Variants in ASS1 observed in about 807,000 individuals in gnomAD.
ASS1 encodes the protein argininosuccinate synthase 1, also known as argininosuccinate synthase.
ASS1 carries 58 observed loss-of-function variants against 60.5 expected under a neutral mutation model. The ratio of observed to expected loss-of-function variants is 0.96; its 90% CI spans 0.78 to 1.19. The LOEUF is 1.19. Among genes scored for constraint, ASS1 ranks in the 50% most tolerant of loss-of-function variants. The pLI is 0.00. For synonymous variants in ASS1, 200 were observed against 206.9 expected, an observed-to-expected ratio of 0.97 and a Z score of 0.29; for missense variants, 454 against 547.3, an observed-to-expected ratio of 0.83 and a Z score of 1.70.
At chr9:130,486,249 G>A (rs184562638) in intron 11 of ASS1, among the ~76,000 whole-genome samples, 9 of 152,126 alleles carry the variant, frequency 5.9e-5, no homozygotes, top group Non-Finnish European at 1.2e-4. Context: ...ATGCCACCAC[G>A]CCCAGCTAAT....
chr9:130,472,178 C>T (rs775850330), intron 8 of ASS1, among the ~76,000 whole-genome samples: 16 of 151,978 alleles, frequency 1.1e-4, no homozygotes, highest in Non-Finnish European at 1.5e-4. Flanking sequence ...TCTTAGTTCC[C>T]GGGCCCAGCC....
intron 3 of ASS1, among the ~76,000 whole-genome samples, chr9:130,455,637 C>T (rs1022567000): frequency 7.2e-5 from 11 of 152,350 alleles, no homozygotes; most frequent in South Asian, 2.1e-4. Context: ...CTGTCCCATA[C>T]AGGGCATTTA....
At chr9:130,451,893 T>A (rs1430799754) in intron 1 of ASS1, 1 of 514,914 alleles carries the variant, frequency 1.9e-6, no homozygotes, top group Non-Finnish European at 3.8e-6. Context: ...CCTCACATCC[T>A]GGCCTTGGGC....
At position 130,445,136 on chromosome 9, in the gene ASS1, G is replaced by T. The variant is rs866532987; in HGVS notation, c.-6+141G>T. 3.0e-6 allele frequency: 3 copies of T among 985,220 alleles called. No individual in the cohort carries two copies. The East Asian group carries it at 3.4e-4, about 112-fold the overall frequency. 61.0% of individuals were successfully genotyped at this position (985,220 alleles called of 1,614,324 possible). A position where few individuals can be genotyped will look rare whatever the true frequency, so the allele number is the denominator to read the frequency against. On this transcript the variant is annotated intron_variant, in intron 1 of 14. Coordinates refer to ENST00000352480, the MANE Select transcript of ASS1 (RefSeq NM_054012.4). ...CGGACCCCGATCGCCACTCGCCGGG[G>T]ACTGGGACCGAGGCAGGAGGGAAGG...
intron 1 of ASS1, among the ~76,000 whole-genome samples, chr9:130,450,648 T>C (rs1845305399): frequency 6.6e-6 from 1 of 152,280 alleles, no homozygotes; most frequent in African/African-American, 2.4e-5. Flanking sequence ...CGGGACTGAA[T>C]TCTCATGTGA....
intron 1 of ASS1, among the ~76,000 whole-genome samples, chr9:130,445,934 G>A (rs1299439171): frequency 6.6e-6 from 1 of 152,224 alleles, no homozygotes; most frequent in Non-Finnish European, 1.5e-5. Flanking sequence ...CCCGCTCCCA[G>A]CAAGCACAAA....
In ASS1 at chr9:130,452,244, T is replaced by C. The variant is rs757913342; in HGVS notation, c.16T>C (p.Ser6Pro). 9 of 1,614,108 alleles carry C rather than the reference T, an allele frequency of 5.6e-6. No individual in the cohort carries two copies. In the Admixed American group the frequency reaches 1.0e-4, roughly 18 times the overall value. MSSKG[S>P]VVLAYSGGLD... ...GCCAGACGCTATGTCCAGCAAAGGC[T>C]CCGTGGTTCTGGCCTACAGTGGCGG... Residue 6 changes from serine (S) to proline (P), a missense_variant, in exon 2 of 15, where the codon TCC (serine) becomes CCC (proline). Ser to Pro is a moderately conservative substitution (Grantham distance 74, BLOSUM62 -1). Transcript: ENST00000352480.
chr9:130,485,756 G>A (rs1338635537), intron 11 of ASS1, among the ~76,000 whole-genome samples: 2 of 152,220 alleles, frequency 1.3e-5, no homozygotes, highest in East Asian at 3.8e-4. Flanking sequence ...CAGGATGGAG[G>A]ACCAGCAGGA....
At chr9:130,452,821 C>T (rs1845356460) in intron 2 of ASS1, among the ~76,000 whole-genome samples, 1 of 152,100 alleles carries the variant, frequency 6.6e-6, no homozygotes, top group Admixed American at 6.5e-5. Flanking sequence ...GAAGCCACTT[C>T]CTCATCCAGG....
At chr9:130,465,056 A>ATATATATATTTTTTTTTTTTTTT (rs1479147331) in intron 5 of ASS1, among the ~76,000 whole-genome samples, 6 of 120,146 alleles carry the variant, frequency 5.0e-5, no homozygotes, top group African/African-American at 2.2e-4. Flanking sequence ...ATATATATAT[A>ATATATATATTTTTTTTTTTTTTT]TTTTTTTTTT....
At chr9:130,466,556 C>T (rs1363570726) in intron 5 of ASS1, 169 bp from the exon 6 acceptor site, 3 of 680,838 alleles carry the variant, frequency 4.4e-6, no homozygotes, top group African/African-American at 1.8e-5. Flanking sequence ...AGTCTGTGTC[C>T]TTCCCCTCCT....
At chr9:130,493,645 C>A (rs1020956295) in intron 12 of ASS1, among the ~76,000 whole-genome samples, 12 of 152,198 alleles carry the variant, frequency 7.9e-5, no homozygotes, top group African/African-American at 2.9e-4. Flanking sequence ...TTTATCAGGG[C>A]AGGAGATCAT....
chr9:130,446,702 C>T (rs537029100), intron 1 of ASS1, among the ~76,000 whole-genome samples: 2 of 152,276 alleles, frequency 1.3e-5, no homozygotes, highest in South Asian at 2.1e-4. Flanking sequence ...GCTGCACAAG[C>T]GCTTCCCCCT....
At chr9:130,452,160 C>T in intron 1 of ASS1, 64 bp from the exon 2 acceptor site, 2 of 1,417,790 alleles carry the variant, frequency 1.4e-6, no homozygotes, top group Non-Finnish European at 2.0e-6. Flanking sequence ...GGGCTGTCTG[C>T]AGGGGCTGGC....
chr9:130,501,058 T>C lies in ASS1; in HGVS notation c.*37T>C, dbSNP rs1365138821. 1 of 1,585,116 alleles carries C rather than the reference T, an allele frequency of 6.3e-7. No individual in the cohort carries two copies. Among genetic ancestry groups the C allele is most frequent in the East Asian group, 2.2e-5 (1 of 44,764 alleles). ...ATGAGGAGCTGGGGCCTCCTCAATT[T>C]GCAGATCCCCCAAGTACAGGCGCTA... On this transcript the variant is annotated 3_prime_UTR_variant, in exon 15 of 15. Coordinates refer to ENST00000352480, the MANE Select transcript of ASS1 (RefSeq NM_054012.4).
rs944350578 is a variant in ASS1 at position 130,476,622 on chromosome 9, G to A, written c.598-249G>A. On this transcript the variant is annotated intron_variant, in intron 8 of 14. Transcript: ENST00000352480. This position sits in a 1 kb window ranked among gnomAD's most constrained non-coding sequence, Gnocchi z 4.9. ...AGCTATTCTACCTCCAGCTGTGGGG[G>A]CGTCGAAGAAAAAGATGAGATCAAG... 15 of 583,832 alleles carry A rather than the reference G, an allele frequency of 2.6e-5. No homozygotes were observed. Among genetic ancestry groups the A allele is most frequent in the Non-Finnish European group, 4.0e-5 (13 of 326,038 alleles). The allele number at this position is 583,832 out of a possible 1,614,324, so 36.2% of individuals were successfully genotyped here.
chr9:130,466,541 G>T, intron 5 of ASS1, 184 bp from the exon 6 acceptor site: 1 of 652,954 alleles, frequency 1.5e-6, no homozygotes, highest in East Asian at 2.7e-5. Context: ...CAGCCCCGGT[G>T]AGGGAGTCTG....
At chr9:130,471,437 T>C in intron 7 of ASS1, 48 bp from the exon 8 acceptor site, 1 of 1,607,502 alleles carries the variant, frequency 6.2e-7, no homozygotes, top group Non-Finnish European at 8.5e-7. Context: ...GATGGGGACA[T>C]GCCATGTCCC....
chr9:130,499,654 G>A (rs918506013), intron 14 of ASS1, 84 bp downstream of exon 14: 2 of 1,399,874 alleles, frequency 1.4e-6, no homozygotes, highest in Non-Finnish European at 2.0e-6. Flanking sequence ...GTAAAGGGTA[G>A]GCTTTGATGC....
Sources: allele counts gnomAD v4.1 joint callset (sites outside exome capture counted in the v4.1 genomes callset), GRCh38; gene constraint gnomAD v4.1.1; non-coding constraint Gnocchi (gnomAD v3.1); transcripts MANE v1.5; gene names NCBI Gene and HGNC (gene_info 2026-07-23, HGNC 2026-07-21).